The following TAFA2 variants were observed in gnomAD, a reference collection of about 807,000 sequenced individuals.
The protein encoded by TAFA2 is TAFA chemokine like family member 2.
TAFA2 carries 7 observed loss-of-function variants against 18.8 expected under a neutral mutation model. The ratio of observed to expected loss-of-function variants is 0.37; its 90% CI spans 0.21 to 0.70. The LOEUF is 0.70. TAFA2 is among the 30% of genes least tolerant of loss of function. TAFA2 has a pLI of 0.53. For missense variants in TAFA2, 122 were observed against 158.1 expected, an observed-to-expected ratio of 0.77 and a Z score of 1.23; for synonymous variants, 60 against 54.2, an observed-to-expected ratio of 1.11 and a Z score of -0.47.
chr12:62,084,261 C>T (rs1868371709), intron 1 of TAFA2, among the ~76,000 whole-genome samples: 1 of 152,142 alleles, frequency 6.6e-6, no homozygotes, highest in Admixed American at 6.5e-5. Context: ...CAATTATATG[C>T]TTGATACTTA....
Position 62,098,026 on chromosome 12 carries a change from T to C in TAFA2, c.-2+93233A>G, listed in dbSNP as rs1433024981. 2.0e-5 allele frequency among the ~76,000 whole-genome samples: 3 copies of C among 152,166 alleles called. No homozygotes were observed. The East Asian group carries it at 5.8e-4, about 29-fold the overall frequency. ...TATGTGACAATATATATAACTTTAA[T>C]ATATACTTATCAGCAAGAATTTCCC... is the stretch of plus-strand genomic sequence containing the variant. On this transcript the variant is annotated intron_variant, in intron 1 of 4. Coordinates refer to ENST00000416284, the MANE Select transcript of TAFA2 (RefSeq NM_178539.5).
At chr12:61,857,263 C>G (rs750235314) in intron 2 of TAFA2, among the ~76,000 whole-genome samples, 1 of 151,634 alleles carries the variant, frequency 6.6e-6, no homozygotes, top group Non-Finnish European at 1.5e-5. Flanking sequence ...ATAATAGAAA[C>G]GAAAATACTT....
In TAFA2 at chr12:61,987,672, T is replaced by C. The variant is rs531410276; in HGVS notation, c.-1-120246A>G. On this transcript the variant is annotated intron_variant, in intron 1 of 4. Coordinates refer to ENST00000416284, the MANE Select transcript of TAFA2 (RefSeq NM_178539.5). ...TATCTAAGCCAAAAATAACCTAATC[T>C]AAAAGCACTTAAATTATTCAGGCTG... Among the ~76,000 whole-genome samples, 54 of 152,250 alleles carry C rather than the reference T, an allele frequency of 3.5e-4. No individual in the cohort carries two copies. The Middle Eastern group carries it at 0.01, about 29-fold the overall frequency.
intron 1 of TAFA2, among the ~76,000 whole-genome samples, chr12:62,218,196 T>C (rs2062744915): frequency 6.6e-6 from 1 of 151,876 alleles, no homozygotes; most frequent in South Asian, 2.1e-4. Context: ...GAGGTCTTAC[T>C]ATGTTGCCCA....
intron 1 of TAFA2, among the ~76,000 whole-genome samples, chr12:61,942,087 A>G (rs924994033): frequency 7.9e-5 from 12 of 151,534 alleles, no homozygotes; most frequent in African/African-American, 2.9e-4. Flanking sequence ...TGGTTCTCCC[A>G]GCACGCAGCT....
At chr12:62,190,433 G>C (rs2062615388) in intron 1 of TAFA2, among the ~76,000 whole-genome samples, 1 of 152,174 alleles carries the variant, frequency 6.6e-6, no homozygotes, top group Non-Finnish European at 1.5e-5. Flanking sequence ...AATTGAAGGG[G>C]GAAGGAATGG....
intron 2 of TAFA2, among the ~76,000 whole-genome samples, chr12:61,832,329 C>G (rs562971027): frequency 6.6e-6 from 1 of 152,062 alleles, no homozygotes. Context: ...CCTGCCACCA[C>G]GTTGTGGTGA....
intron 2 of TAFA2, among the ~76,000 whole-genome samples, chr12:61,863,639 A>G (rs1874220571): frequency 6.6e-6 from 1 of 152,178 alleles, no homozygotes; most frequent in South Asian, 2.1e-4. Flanking sequence ...ATTGACCTTC[A>G]GTGAGAAGCA....
intron 1 of TAFA2, among the ~76,000 whole-genome samples, chr12:62,169,862 A>AAG (rs1555195615): frequency 1.3e-5 from 2 of 151,758 alleles, no homozygotes; most frequent in African/African-American, 4.8e-5. Context: ...AAAAAAAAAA[A>AAG]AAAAAAAGAA....
At chr12:61,777,491 C>A (rs1027012899) in intron 2 of TAFA2, among the ~76,000 whole-genome samples, 1 of 151,734 alleles carries the variant, frequency 6.6e-6, no homozygotes, top group Non-Finnish European at 1.5e-5. Flanking sequence ...ATAATAGGTA[C>A]AACAGATGTC....
intron 4 of TAFA2, among the ~76,000 whole-genome samples, chr12:61,736,609 G>T (rs1297379403): frequency 1.3e-5 from 2 of 151,960 alleles, no homozygotes; most frequent in Non-Finnish European, 2.9e-5. Flanking sequence ...CAATTGGAAT[G>T]ATTACATTTT....
intron 2 of TAFA2, among the ~76,000 whole-genome samples, chr12:61,795,537 G>T (rs112265416): frequency 6.6e-6 from 1 of 151,734 alleles, no homozygotes; most frequent in African/African-American, 2.4e-5. Context: ...CAATGAGAAC[G>T]CTTGGACACA....
chr12:62,163,250 C>T (rs1259513577), intron 1 of TAFA2, among the ~76,000 whole-genome samples: 1 of 152,060 alleles, frequency 6.6e-6, no homozygotes, highest in African/African-American at 2.4e-5. Context: ...GTACCAGGCT[C>T]CCTTTACAAT....
intron 1 of TAFA2, among the ~76,000 whole-genome samples, chr12:62,120,182 C>T (rs10877796): frequency 0.15 from 23,512 of 152,042 alleles, 1,932 homozygotes; most frequent in East Asian, 0.32. Context: ...CAAAAATTTG[C>T]TCCACAATAT....
At position 61,798,266 on chromosome 12, in the gene TAFA2, T is replaced by C. The variant is rs185837987; in HGVS notation, c.107-43242A>G. ...TACAAAATCATTTCTCTTAACTATTTGGTCTTTTTTTTGTGTGTATGAGTC... is the reference window on the plus strand; with the variant it reads ...TACAAAATCATTTCTCTTAACTATTCGGTCTTTTTTTTGTGTGTATGAGTC... On this transcript the variant is annotated intron_variant, in intron 2 of 4. Coordinates refer to ENST00000416284, the MANE Select transcript of TAFA2 (RefSeq NM_178539.5). Among the ~76,000 whole-genome samples the C allele has an allele frequency of 3.4e-3, 522 of 152,228 alleles. 1 individual carries two copies. The highest frequency in any genetic ancestry group is 0.011 in the African/African-American group (472 of 41,558).
intron 2 of TAFA2, among the ~76,000 whole-genome samples, chr12:61,784,137 A>G (rs1009576981): frequency 5.3e-5 from 8 of 151,544 alleles, no homozygotes; most frequent in African/African-American, 1.5e-4. Context: ...CTGGAAGAAG[A>G]AAGGATATAA....
intron 4 of TAFA2, among the ~76,000 whole-genome samples, chr12:61,718,915 T>C (rs1326905530): frequency 1.3e-5 from 2 of 152,160 alleles, no homozygotes; most frequent in Non-Finnish European, 2.9e-5. Flanking sequence ...GAGTTAGGGG[T>C]GAAGAAGATA....
intron 1 of TAFA2, among the ~76,000 whole-genome samples, chr12:62,172,321 G>T (rs1157404750): frequency 6.6e-6 from 1 of 151,946 alleles, no homozygotes; most frequent in Admixed American, 6.6e-5. Flanking sequence ...CTGTCCCAAG[G>T]ATCATATAAT....
At chr12:61,750,952 T>C (rs1388599323) in intron 4 of TAFA2, among the ~76,000 whole-genome samples, 4 of 152,082 alleles carry the variant, frequency 2.6e-5, no homozygotes, top group African/African-American at 9.7e-5. Flanking sequence ...AGGAGTTCAA[T>C]GGCTTTTTGG....
Sources: gnomAD v4.1 joint callset for allele counts (sites outside exome capture counted in the v4.1 genomes callset) on GRCh38, gnomAD v4.1.1 for gene constraint, MANE v1.5 for transcripts, NCBI Gene and HGNC (gene_info 2026-07-23, HGNC 2026-07-21) for gene names.